TUBE1: variants seen among roughly 807,000 people sequenced by gnomAD.
TUBE1 encodes the protein tubulin epsilon 1.
TUBE1 carries 34 observed loss-of-function variants against 53.5 expected under a neutral mutation model. The ratio of observed to expected loss-of-function variants is 0.64; its 90% CI spans 0.48 to 0.85. The LOEUF is 0.85. Ranked by LOEUF, TUBE1 falls within the 40% of genes least tolerant of loss-of-function variation. The pLI is 0.00. For missense variants in TUBE1, 532 were observed against 570.5 expected, an observed-to-expected ratio of 0.93 and a Z score of 0.69; for synonymous variants, 177 against 198.4, an observed-to-expected ratio of 0.89 and a Z score of 0.91.
At chr6:112,077,407 C>T (rs782360570) in intron 6 of TUBE1, 7 of 152,042 alleles carry the variant, frequency 4.6e-5, no homozygotes, top group East Asian at 3.8e-4. Context: ...TCCTCTAATC[C>T]GATGTTTTTC....
rs1440998442 is a variant in TUBE1, at chr6:112,072,036, C to T, written c.1135G>A (p.Gly379Ser). Reference protein sequence around the residue: ...SLQFVSWNQEGWKTSLCSVPP... With the variant: ...SLQFVSWNQESWKTSLCSVPP... ...ACGGAACACAGGCTGGTCTTCCAGC[C>T]TTCTTGATTCCAGGAGACAAATTGT... Residue 379 changes from glycine (G) to serine (S), a missense_variant, in exon 11 of 12, where the codon GGC (glycine) becomes AGC (serine). Gly to Ser is a moderately conservative substitution (Grantham distance 56). Coordinates refer to ENST00000368662, the MANE Select transcript of TUBE1 (RefSeq NM_016262.5). The T allele has an allele frequency of 6.2e-7, 1 of 1,604,234 alleles. No homozygotes were observed. The highest frequency in any genetic ancestry group is 1.4e-5 in the African/African-American group (1 of 73,956).
intron 3 of TUBE1, chr6:112,085,659 C>T (rs587641051): frequency 2.2e-4 from 104 of 471,430 alleles, no homozygotes; most frequent in South Asian, 1.6e-3. Flanking sequence ...TGATACCAGC[C>T]ATTAAAGTAA....
chr6:112,075,062 TTC>T (rs1776936290), intron 8 of TUBE1: 1 of 199,254 alleles, frequency 5.0e-6, no homozygotes, highest in Non-Finnish European at 9.2e-6. Flanking sequence ...CATTTTTTTT[TTC>T]TTTCTTTTTT....
intron 6 of TUBE1, chr6:112,077,313 G>A (rs587696505): frequency 7.9e-5 from 12 of 152,162 alleles, no homozygotes; most frequent in African/African-American, 2.2e-4. Flanking sequence ...GCAGAAACTC[G>A]AGGAATCTCA....
intron 4 of TUBE1, among the ~76,000 whole-genome samples, chr6:112,081,681 A>G (rs1325076954): frequency 2.0e-5 from 3 of 152,086 alleles, no homozygotes; most frequent in African/African-American, 7.2e-5. Flanking sequence ...AAATGACAAC[A>G]TGGTCCCTTC....
intron 4 of TUBE1, among the ~76,000 whole-genome samples, chr6:112,081,590 T>C (rs782730728): frequency 6.6e-6 from 1 of 152,096 alleles, no homozygotes; most frequent in Non-Finnish European, 1.5e-5. Flanking sequence ...CTGCTCTTTA[T>C]GAACCACAGC....
Position 112,071,287 on chromosome 6 carries a change from CT to C in TUBE1, c.*124del, listed in dbSNP as rs1267636847. On this transcript the variant is annotated 3_prime_UTR_variant, in exon 12 of 12. Transcript: ENST00000368662. ...AAATTGCGATTAAACAGAAATCACT[CT>C]TTTAGACAAAAATATTTCCCGATAA... is the stretch of plus-strand genomic sequence containing the variant. 4 of 986,156 alleles carry C rather than the reference CT, an allele frequency of 4.1e-6. No individual in the cohort carries two copies. The East Asian group carries it at 7.7e-5, about 19-fold the overall frequency. 61.1% of individuals were successfully genotyped at this position (986,156 alleles called of 1,614,324 possible).
At chr6:112,084,351 C>A in intron 3 of TUBE1, 105 bp from the exon 4 acceptor site, 1 of 875,082 alleles carries the variant, frequency 1.1e-6, no homozygotes, top group Non-Finnish European at 1.9e-6. Context: ...TGCTTATAGG[C>A]CAGGTAAGGC....
At position 112,071,914 on chromosome 6, in the gene TUBE1, G is replaced by A. The variant is rs782488978; in HGVS notation, c.1257C>T (p.Leu419=). Residue 419 remains leucine, a synonymous_variant, in exon 11 of 12, where the codon CTC becomes CTT. Transcript: ENST00000368662. ...FMELKERFMR[L]YKKKAHLHHY... is the part of the protein sequence containing the mutation. The stretch of plus-strand genomic sequence containing the variant: ...GTACAATAATTACCTTTTTCTTGTA[G>A]AGCCTCATGAATCTCTCTTTCAGTT... 50 of 1,598,182 alleles carry A rather than the reference G, an allele frequency of 3.1e-5. No individual in the cohort carries two copies. Among genetic ancestry groups the A allele is most frequent in the African/African-American group, 4.1e-5 (3 of 73,918 alleles).
chr6:112,087,207 G>A, intron 2 of TUBE1, 26 bp downstream of exon 2: 16 of 1,548,202 alleles, frequency 1.0e-5, no homozygotes, highest in Non-Finnish European at 1.4e-5. Flanking sequence ...TGACAGGCGA[G>A]GGGGCTCGCG....
At chr6:112,076,696 A>G in intron 6 of TUBE1, 187 bp from the exon 7 acceptor site, 1 of 443,710 alleles carries the variant, frequency 2.3e-6, no homozygotes, top group East Asian at 3.8e-5. Flanking sequence ...CAGCCTCCCA[A>G]GTATCTGGGA....
At chr6:112,072,593 T>C (rs1008025103) in intron 10 of TUBE1, among the ~76,000 whole-genome samples, 165 bp downstream of exon 10, 3 of 152,136 alleles carry the variant, frequency 2.0e-5, no homozygotes, top group Non-Finnish European at 2.9e-5. Flanking sequence ...ATTATCCTTA[T>C]TTTACACTTG....
At chr6:112,073,304 T>C (rs1776901199) in intron 9 of TUBE1, among the ~76,000 whole-genome samples, 2 of 152,174 alleles carry the variant, frequency 1.3e-5, no homozygotes, top group Admixed American at 1.3e-4. Context: ...ACATTAAGAC[T>C]ATTACTTTGT....
chr6:112,080,210 GA>G (rs1205345002), intron 5 of TUBE1, among the ~76,000 whole-genome samples: 63 of 151,584 alleles, frequency 4.2e-4, no homozygotes, highest in African/African-American at 1.5e-3. Context: ...TCATATATGA[GA>G]AAAAAAAGGT....
rs1262026425 is a variant in TUBE1, at chr6:112,086,623, A to G, written c.100-15T>C. ...TAAATTCCTTTCTAAAAAGAAAAAC[A>G]TATGTTAATAGCATTTAGGTTTTGC... is the stretch of plus-strand genomic sequence containing the variant. On this transcript the variant is annotated splice_polypyrimidine_tract_variant and intron_variant, in intron 2 of 11. Coordinates refer to ENST00000368662, the MANE Select transcript of TUBE1 (RefSeq NM_016262.5). The G allele has an allele frequency of 6.4e-7, 1 of 1,570,850 alleles. No homozygotes were observed. The highest frequency in any genetic ancestry group is 1.4e-5 in the African/African-American group (1 of 74,046).
At chr6:112,087,118 G>C in intron 2 of TUBE1, 115 bp downstream of exon 2, 2 of 869,270 alleles carry the variant, frequency 2.3e-6, no homozygotes, top group Non-Finnish European at 3.5e-6. Context: ...TTCTTTACTG[G>C]GAAGATCCCA....
chr6:112,080,852 T>C (rs1411187361), intron 5 of TUBE1, among the ~76,000 whole-genome samples: 1 of 152,132 alleles, frequency 6.6e-6, no homozygotes, highest in Non-Finnish European at 1.5e-5. Context: ...CTTCAAGAAT[T>C]TATGAAACGG....
chr6:112,080,921 T>G (rs1435808897), intron 5 of TUBE1, among the ~76,000 whole-genome samples, 171 bp downstream of exon 5: 1 of 152,154 alleles, frequency 6.6e-6, no homozygotes, highest in Non-Finnish European at 1.5e-5. Flanking sequence ...TAGAAAGAAC[T>G]AGGAGTAAAT....
At position 112,071,585 on chromosome 6, in the gene TUBE1, AT is replaced by A; in HGVS notation, c.1270-16del. 1 of 1,580,684 alleles carries A rather than the reference AT, an allele frequency of 6.3e-7. No individual in the cohort carries two copies. The highest frequency in any genetic ancestry group is 8.6e-7 in the Non-Finnish European group (1 of 1,159,356). On this transcript the variant is annotated splice_polypyrimidine_tract_variant and intron_variant, in intron 11 of 11. Transcript: ENST00000368662. ...TGAAGGTGAGCCTATAAATTAAAAA[AT>A]TAGGTAACGTTTACCATTTCAGGAA... is the stretch of plus-strand genomic sequence containing the variant.
Sources: gnomAD v4.1 joint callset for allele counts (sites outside exome capture counted in the v4.1 genomes callset) on GRCh38, gnomAD v4.1.1 for gene constraint, MANE v1.5 for transcripts, NCBI Gene and HGNC (gene_info 2026-07-23, HGNC 2026-07-21) for gene names.